AUTS2: variants seen among roughly 807,000 people sequenced by gnomAD.
AUTS2 encodes the protein activator of transcription and developmental regulator AUTS2.
Under a neutral mutation model 112.4 loss-of-function variants are expected in AUTS2, and 17 were observed. The ratio of observed to expected loss-of-function variants is 0.15; its 90% CI spans 0.10 to 0.23. The LOEUF (loss-of-function observed/expected upper bound fraction) is 0.23. Ranked by LOEUF, AUTS2 falls within the 10% of genes least tolerant of loss-of-function variation. The probability of loss-of-function intolerance (pLI) is 1.00; values close to 1 mark genes in which losing one functional copy is unlikely to be tolerated. For synonymous variants in AUTS2, 751 were observed against 702.7 expected, an observed-to-expected ratio of 1.07 and a Z score of -1.09; for missense variants, 1,510 against 1,701.6, an observed-to-expected ratio of 0.89 and a Z score of 1.98.
chr7:70,156,890 G>GCAAAAAAA (rs1357928695), intron 4 of AUTS2, among the ~76,000 whole-genome samples: 4 of 6,008 alleles, frequency 6.7e-4, no homozygotes, highest in Admixed American at 3.0e-3. Flanking sequence ...TCTACTAAAA[G>GCAAAAAAA]TAAAAAAAAA....
chr7:70,514,581 G>A (rs374436201), intron 5 of AUTS2, among the ~76,000 whole-genome samples: 11 of 152,208 alleles, frequency 7.2e-5, no homozygotes, highest in South Asian at 4.1e-4. Flanking sequence ...TGAGAGTTCC[G>A]TCCCTATGAC....
At chr7:70,621,103 A>C (rs1804649312) in intron 5 of AUTS2, among the ~76,000 whole-genome samples, 1 of 152,210 alleles carries the variant, frequency 6.6e-6, no homozygotes. Flanking sequence ...AAAACAAGGG[A>C]AAAGCTCCAG....
chr7:70,682,923 T>C (rs1051855290), intron 5 of AUTS2, among the ~76,000 whole-genome samples: 22 of 152,236 alleles, frequency 1.4e-4, no homozygotes, highest in African/African-American at 5.1e-4. Context: ...TGCTTGGGCA[T>C]CCTTACTATA....
chr7:70,022,266 T>C (rs186303506), intron 2 of AUTS2, among the ~76,000 whole-genome samples: 31 of 151,814 alleles, frequency 2.0e-4, no homozygotes, highest in African/African-American at 7.5e-4. Context: ...AGGCTCTTCT[T>C]GTTGTTTATT....
intron 5 of AUTS2, among the ~76,000 whole-genome samples, chr7:70,469,588 C>G (rs1162170436): frequency 6.6e-6 from 1 of 152,088 alleles, no homozygotes; most frequent in Non-Finnish European, 1.5e-5. Context: ...CCACTGGAAG[C>G]TTTTTTGATA....
At chr7:69,769,234 G>A (rs1296015385) in intron 1 of AUTS2, among the ~76,000 whole-genome samples, 1 of 152,194 alleles carries the variant, frequency 6.6e-6, no homozygotes, top group East Asian at 1.9e-4. Context: ...CTTGAACAAA[G>A]AACGTAAATC....
intron 4 of AUTS2, chr7:70,290,502 A>T (rs922553855): frequency 7.8e-6 from 12 of 1,540,532 alleles, no homozygotes; most frequent in Non-Finnish European, 1.0e-5. Flanking sequence ...TGCTTAAAGG[A>T]TTCTAGTTCC....
intron 4 of AUTS2, among the ~76,000 whole-genome samples, chr7:70,298,369 G>C (rs780647775): frequency 3.9e-5 from 6 of 152,086 alleles, no homozygotes; most frequent in Non-Finnish European, 5.9e-5. Context: ...AGTCACTCCA[G>C]TTTGAAGTTT....
intron 2 of AUTS2, among the ~76,000 whole-genome samples, chr7:70,058,393 A>T (rs1200502336): frequency 6.6e-6 from 1 of 152,064 alleles, no homozygotes; most frequent in Non-Finnish European, 1.5e-5. Context: ...TCTAAGGTAA[A>T]TTTCCCTGGA....
chr7:69,697,129 G>A (rs549779850), intron 1 of AUTS2, among the ~76,000 whole-genome samples: 1 of 152,332 alleles, frequency 6.6e-6, no homozygotes, highest in South Asian at 2.1e-4. Context: ...CATAGTTTCT[G>A]ATTCAGTATG....
chr7:70,324,528 G>A (rs1392601493), intron 4 of AUTS2, among the ~76,000 whole-genome samples: 1 of 152,062 alleles, frequency 6.6e-6, no homozygotes, highest in Non-Finnish European at 1.5e-5. Flanking sequence ...GGGAGGCTGA[G>A]GTGGGAGGAT....
chr7:69,821,669 C>T (rs1790999466), intron 1 of AUTS2, among the ~76,000 whole-genome samples: 1 of 152,056 alleles, frequency 6.6e-6, no homozygotes, highest in Non-Finnish European at 1.5e-5. Flanking sequence ...CATGAACCCA[C>T]CGGGAAAAAC....
chr7:69,638,760 C>T (rs1654443810), intron 1 of AUTS2, among the ~76,000 whole-genome samples: 1 of 152,182 alleles, frequency 6.6e-6, no homozygotes, highest in Non-Finnish European at 1.5e-5. Context: ...ATCTGTAGAT[C>T]CCAATAAAGG....
chr7:70,072,324 G>C (rs1344521403), intron 2 of AUTS2, among the ~76,000 whole-genome samples: 1 of 152,092 alleles, frequency 6.6e-6, no homozygotes, highest in African/African-American at 2.4e-5. Context: ...AGGACAGCTT[G>C]TGCCTGACCA....
At chr7:70,160,295 GA>G (rs2129577303) in intron 4 of AUTS2, among the ~76,000 whole-genome samples, 1 of 152,260 alleles carries the variant, frequency 6.6e-6, no homozygotes, top group South Asian at 2.1e-4. Flanking sequence ...ACCATATAAA[GA>G]AAGACAGCTA....
chr7:70,158,465 C>G (rs1440990114), intron 4 of AUTS2, among the ~76,000 whole-genome samples: 1 of 152,140 alleles, frequency 6.6e-6, no homozygotes, highest in African/African-American at 2.4e-5. Context: ...TATAGAGAGG[C>G]CTCAAGGATA....
chr7:70,568,504 G>A (rs1242004996), intron 5 of AUTS2, among the ~76,000 whole-genome samples: 2 of 152,136 alleles, frequency 1.3e-5, no homozygotes, highest in Non-Finnish European at 2.9e-5. Context: ...ACTTTTTACA[G>A]AAGAGCCAGG....
At chr7:70,435,088 A>T (rs757350129) in intron 4 of AUTS2, among the ~76,000 whole-genome samples, 1 of 152,156 alleles carries the variant, frequency 6.6e-6, no homozygotes, top group South Asian at 2.1e-4. Context: ...GCCCTAAAGC[A>T]TACTTTTTTG....
chr7:70,405,415 C>T (rs992929489), intron 4 of AUTS2, among the ~76,000 whole-genome samples: 3 of 152,194 alleles, frequency 2.0e-5, no homozygotes, highest in Admixed American at 6.5e-5. Context: ...AGGAAAACAG[C>T]TTTTTCTGTC....
Sources: gnomAD v4.1 joint callset for allele counts (sites outside exome capture counted in the v4.1 genomes callset) on GRCh38, gnomAD v4.1.1 for gene constraint, MANE v1.5 for transcripts, NCBI Gene and HGNC (gene_info 2026-07-23, HGNC 2026-07-21) for gene names.